Variants in IL6ST observed in about 807,000 individuals in gnomAD.
IL6ST encodes interleukin 6 cytokine family signal transducer.
In IL6ST, 24 loss-of-function variants were observed where a neutral mutation model predicts 91.3. That is an observed-to-expected ratio of 0.26 (90% confidence interval 0.19 to 0.37). The LOEUF (loss-of-function observed/expected upper bound fraction) is 0.37. Ranked by LOEUF, IL6ST falls within the 10% of genes least tolerant of loss-of-function variation. The pLI, the probability that IL6ST is intolerant of heterozygous loss-of-function variation, is 1.00. For missense variants in IL6ST, 914 were observed against 1,078.5 expected (o/e 0.85, Z 2.14); for synonymous variants, 351 against 373.6 (o/e 0.94, Z 0.70).
At chr5:55,991,365 A>C (rs984685524) in intron 1 of IL6ST, among the ~76,000 whole-genome samples, 1 of 152,206 alleles carries the variant, frequency 6.6e-6, no homozygotes, top group Non-Finnish European at 1.5e-5. Context: ...AATGGAGTCC[A>C]TCGTTTCTCT....
At chr5:55,943,000 ATT>A (rs991424780) in intron 15 of IL6ST, among the ~76,000 whole-genome samples, 1 of 151,808 alleles carries the variant, frequency 6.6e-6, no homozygotes, top group Non-Finnish European at 1.5e-5. Context: ...CAGTGTTCAA[ATT>A]TTTTTTTAAA....
Position 55,941,876 on chromosome 5 carries a change from G to GCAT in IL6ST, c.2020-60_2020-58dup, listed in dbSNP as rs907744868. 3.4e-6 allele frequency: 5 copies of GCAT among 1,449,754 alleles called. No individual in the cohort carries two copies. In the African/African-American group the frequency reaches 7.1e-5, roughly 21 times the overall value. 89.8% of individuals were successfully genotyped at this position (1,449,754 alleles called of 1,614,324 possible). ...TATTAGTTAAAGCCACAGAGCTAAT[G>GCAT]CATCTCTGAAACTTCCCAGTAACTC... On this transcript the variant is annotated intron_variant, in intron 16 of 16. Transcript: ENST00000381298.
At chr5:55,980,117 A>C (rs2111883727) in intron 2 of IL6ST, among the ~76,000 whole-genome samples, 1 of 152,360 alleles carries the variant, frequency 6.6e-6, no homozygotes, top group East Asian at 1.9e-4. Context: ...TAGGAGGATA[A>C]AAGTTCAAAT....
chr5:55,935,868 C>T lies in IL6ST; in HGVS notation c.*5214G>A, dbSNP rs756588791. 1 of 217,948 alleles carries T rather than the reference C, an allele frequency of 4.6e-6. No individual in the cohort carries two copies. Among genetic ancestry groups the T allele is most frequent in the Non-Finnish European group, 9.2e-6 (1 of 108,604 alleles). The allele number at this position is 217,948 out of a possible 1,614,324, so 13.5% of individuals were successfully genotyped here. On this transcript the variant is annotated 3_prime_UTR_variant, in exon 17 of 17. Coordinates refer to ENST00000381298, the MANE Select transcript of IL6ST (RefSeq NM_002184.4). ...TCTCAAGGAGTTACATAATCTTTTC[C>T]AAAGCAGGATGGACTGTATCTATCA...
In IL6ST at chr5:55,969,821, A is replaced by G. The variant is rs931353380; in HGVS notation, c.99T>C (p.Pro33=). 6.2e-7 allele frequency: 1 copy of G among 1,609,876 alleles called. No individual in the cohort carries two copies. The highest frequency in any genetic ancestry group is 8.5e-7 in the Non-Finnish European group (1 of 1,176,480). The change falls in exon 4 of 17, where the codon CCT becomes CCC. Residue 33 remains proline, a synonymous_variant. Coordinates refer to ENST00000381298, the MANE Select transcript of IL6ST (RefSeq NM_002184.4). ...ELLDPCGYIS[P]ESPVVQLHSN... ...AATGAAGTTGTACAACTGGAGATTC[A>G]GGACTGATATAACCACATGGATCTA... is the stretch of plus-strand genomic sequence containing the variant.
chr5:55,967,182 T>G (rs1752678788), intron 5 of IL6ST, among the ~76,000 whole-genome samples: 1 of 151,404 alleles, frequency 6.6e-6, no homozygotes, highest in Admixed American at 6.6e-5. Flanking sequence ...TGGTGGCACA[T>G]GCCTGTAATC....
chr5:55,953,882 G>A (rs1751798910), intron 11 of IL6ST, among the ~76,000 whole-genome samples: 6 of 152,202 alleles, frequency 3.9e-5, no homozygotes, highest in Admixed American at 3.9e-4. Context: ...AGATACTCCA[G>A]AGGATGAGGC....
chr5:55,988,767 C>CA (rs34387197), intron 1 of IL6ST, among the ~76,000 whole-genome samples: 12,029 of 99,044 alleles, frequency 0.12, 1,216 homozygotes, highest in African/African-American at 0.3. Flanking sequence ...ACTCCATCTC[C>CA]AAAAAAAAAA....
Position 55,937,157 on chromosome 5 carries a change from G to A in IL6ST, c.*3925C>T, listed in dbSNP as rs1417543723. ...AGAACATCATTCAGACAAAGCCTGT[G>A]TTCAAGAAATAAAAAAAACATCTAT... On this transcript the variant is annotated 3_prime_UTR_variant, in exon 17 of 17. Coordinates refer to ENST00000381298, the MANE Select transcript of IL6ST (RefSeq NM_002184.4). 1 of 210,568 alleles carries A rather than the reference G, an allele frequency of 4.7e-6. No homozygotes were observed. The highest frequency in any genetic ancestry group is 1.9e-4 in the South Asian group (1 of 5,340). 13.0% of individuals were successfully genotyped at this position (210,568 alleles called of 1,614,324 possible). A position where few individuals can be genotyped will look rare whatever the true frequency, so the allele number is the denominator to read the frequency against.
intron 13 of IL6ST, 78 bp downstream of exon 13, chr5:55,951,851 G>T: frequency 1.1e-6 from 1 of 935,548 alleles, no homozygotes; most frequent in Non-Finnish European, 1.6e-6. Context: ...AGATGTATAA[G>T]AAGAACAGAC....
rs1190901785 is a variant in IL6ST, at chr5:55,937,544, C to A, written c.*3538G>T. 1 of 206,848 alleles carries A rather than the reference C, an allele frequency of 4.8e-6. No individual in the cohort carries two copies. Among genetic ancestry groups the A allele is most frequent in the Non-Finnish European group, 9.9e-6 (1 of 101,268 alleles). The allele number at this position is 206,848 out of a possible 1,614,324, so 12.8% of individuals were successfully genotyped here. On this transcript the variant is annotated 3_prime_UTR_variant, in exon 17 of 17. Transcript: ENST00000381298. ...AGGACCAGTCCAAAGAAGAATTAGGCTGTAAGACTGCTAGTTCATACCTTC... is the reference window on the plus strand; with the variant it reads ...AGGACCAGTCCAAAGAAGAATTAGGATGTAAGACTGCTAGTTCATACCTTC...
intron 2 of IL6ST, 42 bp from the exon 3 acceptor site, chr5:55,976,335 C>A: frequency 1.9e-6 from 2 of 1,065,912 alleles, no homozygotes; most frequent in African/African-American, 1.6e-5. Context: ...TATTTTTTCT[C>A]TTATATACAC....
intron 4 of IL6ST, 58 bp from the exon 5 acceptor site, chr5:55,968,454 T>C: frequency 6.7e-7 from 1 of 1,499,336 alleles, no homozygotes; most frequent in South Asian, 1.2e-5. Flanking sequence ...TATTATGCAA[T>C]TTATATACTA....
At chr5:55,953,080 CA>C (rs1391303958) in intron 11 of IL6ST, among the ~76,000 whole-genome samples, 1 of 152,006 alleles carries the variant, frequency 6.6e-6, no homozygotes, top group Non-Finnish European at 1.5e-5. Flanking sequence ...AAAACCAAAA[CA>C]AACTTCCTTT....
intron 1 of IL6ST, among the ~76,000 whole-genome samples, chr5:55,989,825 C>T (rs941373632): frequency 6.6e-6 from 1 of 152,122 alleles, no homozygotes; most frequent in Non-Finnish European, 1.5e-5. Context: ...AAATAGCACA[C>T]ATATGAACTC....
chr5:55,973,004 C>CAA (rs201052851), intron 3 of IL6ST, among the ~76,000 whole-genome samples: 1 of 110,818 alleles, frequency 9.0e-6, no homozygotes, highest in African/African-American at 3.3e-5. Flanking sequence ...GATTCCATCT[C>CAA]AAAAAAAAAG....
At chr5:55,953,316 C>G (rs1751756431) in intron 11 of IL6ST, among the ~76,000 whole-genome samples, 1 of 152,186 alleles carries the variant, frequency 6.6e-6, no homozygotes, top group Admixed American at 6.5e-5. Flanking sequence ...ATATTCTACT[C>G]TAATGTGATG....
chr5:55,973,480 T>C (rs1413704304), intron 3 of IL6ST, among the ~76,000 whole-genome samples: 7 of 152,138 alleles, frequency 4.6e-5, no homozygotes, highest in Non-Finnish European at 1.0e-4. Flanking sequence ...CAGCCACACA[T>C]TGTAAGAAAG....
At position 55,982,771 on chromosome 5, in the gene IL6ST, T is replaced by G. The variant is rs1042454274; in HGVS notation, c.-63A>C. ...GAAGGAGTAGGGATTTGAAGCTAAG[T>G]CTTCTACTTCTAAATGTCATGCTTT... is the stretch of plus-strand genomic sequence containing the variant. On this transcript the variant is annotated 5_prime_UTR_variant, in exon 2 of 17. Transcript: ENST00000381298. 7 of 398,224 alleles carry G rather than the reference T, an allele frequency of 1.8e-5. No individual in the cohort carries two copies. The South Asian group carries it at 8.9e-4, about 51-fold the overall frequency. The allele number at this position is 398,224 out of a possible 1,614,324, so 24.7% of individuals were successfully genotyped here.
Sources: allele counts gnomAD v4.1 joint callset (sites outside exome capture counted in the v4.1 genomes callset), GRCh38; gene constraint gnomAD v4.1.1; transcripts MANE v1.5; gene names NCBI Gene and HGNC (gene_info 2026-07-23, HGNC 2026-07-21).